Variants in NUMA1 observed in about 807,000 individuals in gnomAD.
NUMA1 encodes the protein nuclear mitotic apparatus protein 1, also known as SP-H antigen.
A neutral mutation model predicts 237.1 loss-of-function variants in NUMA1; 62 were observed. The ratio of observed to expected loss-of-function variants is 0.26; its 90% confidence interval spans 0.21 to 0.32. The LOEUF is 0.32. Among genes scored for constraint, NUMA1 ranks in the 10% least tolerant of loss-of-function variants. NUMA1 has a pLI of 1.00. For synonymous variants in NUMA1, 1,028 were observed against 1,066.1 expected, an observed-to-expected ratio of 0.96 and a Z score of 0.70; for missense variants, 2,533 against 2,666.5, an observed-to-expected ratio of 0.95 and a Z score of 1.10.
In NUMA1 at chr11:72,009,399, G is replaced by C; in HGVS notation, c.4720-12C>G. The C allele has an allele frequency of 6.3e-7, 1 of 1,594,136 alleles. No individual in the cohort carries two copies. ...TGAGCCTGGACAGCCTGAGAAGAAA[G>C]GCCACTCAGGAAAGCTGGTCTGGCC... On this transcript the variant is annotated splice_polypyrimidine_tract_variant and intron_variant, in intron 17 of 26. Transcript: ENST00000393695.
In NUMA1 at chr11:72,015,607, G is replaced by A. The variant is rs748073072; in HGVS notation, c.1896C>T (p.Asp632=). 16 of 1,613,664 alleles carry A rather than the reference G, an allele frequency of 9.9e-6. No homozygotes were observed. In the East Asian group the frequency reaches 3.6e-4, roughly 36 times the overall value. ...CCTGTGTCACTGAGGTCTGGGCACT[G>A]TCCCGGGCTTCATTAGCCACCTGAA... ...QQLQVANEAR[D]SAQTSVTQAQ... is the part of the protein sequence containing the mutation. The change falls in exon 15 of 27, where the codon GAC becomes GAT. Residue 632 remains aspartate (D), a synonymous_variant. Transcript: ENST00000393695. The surrounding 1 kb of genome is among the most constrained non-coding windows in gnomAD (Gnocchi z 4.0).
chr11:72,016,535 G>A lies in NUMA1; in HGVS notation c.1120-5C>T, dbSNP rs1565219060. ...GTTCTTCTCTTCAAGGCATTTCTGG[G>A]AGTAAATGAGACCCATGTGAACAGA... On this transcript the variant is annotated splice_region_variant and splice_polypyrimidine_tract_variant and intron_variant, in intron 13 of 26. Transcript: ENST00000393695. 2 of 1,613,484 alleles carry A rather than the reference G, an allele frequency of 1.2e-6. No individual in the cohort carries two copies. The highest frequency in any genetic ancestry group is 2.2e-5 in the East Asian group (1 of 44,878).
intron 20 of NUMA1, chr11:72,007,654 G>A: frequency 1.6e-6 from 1 of 607,886 alleles, no homozygotes; most frequent in African/African-American, 1.9e-5. Context: ...TAGTGGCAAT[G>A]CCCAGACCCA....
At chr11:72,064,496 T>C (rs1943113483) in intron 2 of NUMA1, among the ~76,000 whole-genome samples, 1 of 151,880 alleles carries the variant, frequency 6.6e-6, no homozygotes, top group African/African-American at 2.4e-5. Flanking sequence ...TTTTAAATAA[T>C]TTTAATGACA....
chr11:72,024,251 A>C, intron 5 of NUMA1, 23 bp downstream of exon 5: 1 of 1,610,100 alleles, frequency 6.2e-7, no homozygotes, highest in Non-Finnish European at 8.5e-7. Context: ...GCTTCTTCAT[A>C]GCTGGATAAG....
rs1271892904 is a variant in NUMA1, at chr11:72,008,756, G to A, written c.5148C>T (p.Pro1716=). The change falls in exon 20 of 27, where the codon CCC becomes CCT. Residue 1716 remains proline (P), a synonymous_variant. Coordinates refer to ENST00000393695, the MANE Select transcript of NUMA1 (RefSeq NM_006185.4). ...ALKSREPQAK[P]QLDLSIDSLD... ...GGCTGTCAATACTCAAGTCCAGCTG[G>A]GGCTTAGCCTGGGGCTCACGGCTCT... 1.2e-6 allele frequency: 2 copies of A among 1,613,992 alleles called. No homozygotes were observed. Among genetic ancestry groups the A allele is most frequent in the Admixed American group, 1.7e-5 (1 of 59,980 alleles).
chr11:72,013,579 T>C lies in NUMA1; in HGVS notation c.3924A>G (p.Ser1308=). The part of the protein sequence containing the change: ...REEAEKQRVA[S]ENLRQELTSQ... ...AGGTCAGCTCCTGCCGCAGGTTCTC[T>C]GAAGCCACCCGCTGTTTCTCAGCCT... Residue 1308 remains serine (S), a synonymous_variant, in exon 15 of 27, where the codon TCA becomes TCG. Transcript: ENST00000393695. This position sits in a 1 kb window ranked among gnomAD's most constrained non-coding sequence, Gnocchi z 6.8. 6.2e-7 allele frequency: 1 copy of C among 1,613,160 alleles called. No homozygotes were observed. The highest frequency in any genetic ancestry group is 8.5e-7 in the Non-Finnish European group (1 of 1,179,990).
intron 5 of NUMA1, among the ~76,000 whole-genome samples, chr11:72,023,597 TTATC>T (rs1357179099): frequency 6.6e-6 from 1 of 152,150 alleles, no homozygotes; most frequent in African/African-American, 2.4e-5. Flanking sequence ...ACACCTTACT[TTATC>T]TAAATAAAGC....
intron 8 of NUMA1, chr11:72,020,916 C>T (rs1938708267): frequency 3.4e-6 from 1 of 296,660 alleles, no homozygotes; most frequent in African/African-American, 2.2e-5. Flanking sequence ...TTCTCAGCTT[C>T]TAAGCCTAGA....
At position 72,015,621 on chromosome 11, in the gene NUMA1, T is replaced by C. The variant is rs571931228; in HGVS notation, c.1882A>G (p.Asn628Asp). ...GTCTGGGCACTGTCCCGGGCTTCAT[T>C]AGCCACCTGAAGTTGCTGCTGCAGA... is the stretch of plus-strand genomic sequence containing the variant. ...EILQQQLQVA[N>D]EARDSAQTSV... Residue 628 changes from asparagine (N) to aspartate (D), a missense_variant, in exon 15 of 27, where the codon AAT (asparagine) becomes GAT (aspartate). Physicochemically the swap from Asn to Asp is conservative, Grantham distance 23. Transcript: ENST00000393695. This position sits in a 1 kb window ranked among gnomAD's most constrained non-coding sequence, Gnocchi z 4.0. 6.2e-6 allele frequency: 10 copies of C among 1,613,754 alleles called. No homozygotes were observed. In the African/African-American group the frequency reaches 8.0e-5, roughly 13 times the overall value.
chr11:72,031,972 TAA>T (rs34502837), intron 3 of NUMA1, among the ~76,000 whole-genome samples: 3,249 of 67,738 alleles, frequency 0.048, 123 homozygotes, highest in African/African-American at 0.13. Flanking sequence ...CCCAAAAAAT[TAA>T]AAAAAAAAAA....
At chr11:72,010,363 T>C (rs1393804799) in intron 17 of NUMA1, among the ~76,000 whole-genome samples, 1 of 152,262 alleles carries the variant, frequency 6.6e-6, no homozygotes, top group Non-Finnish European at 1.5e-5. Context: ...GACACTCTCG[T>C]TCTTTCCCTG....
At chr11:72,054,912 G>T (rs893714166) in intron 2 of NUMA1, among the ~76,000 whole-genome samples, 1 of 152,112 alleles carries the variant, frequency 6.6e-6, no homozygotes, top group Non-Finnish European at 1.5e-5. Context: ...ACGCATTTGC[G>T]ATTGAAGTTT....
intron 2 of NUMA1, among the ~76,000 whole-genome samples, chr11:72,058,873 T>G (rs1591061139): frequency 6.6e-6 from 1 of 152,202 alleles, no homozygotes; most frequent in Non-Finnish European, 1.5e-5. Flanking sequence ...TCAACTGATG[T>G]GAGCACAGCT....
intron 9 of NUMA1, 95 bp downstream of exon 9, chr11:72,019,399 C>CTA: frequency 4.0e-6 from 6 of 1,511,848 alleles, no homozygotes; most frequent in Non-Finnish European, 4.5e-6. Flanking sequence ...TAAGCACTCC[C>CTA]AGAGGCTGGT....
intron 2 of NUMA1, among the ~76,000 whole-genome samples, chr11:72,047,430 G>C (rs1392586507): frequency 6.6e-6 from 1 of 152,068 alleles, no homozygotes; most frequent in Non-Finnish European, 1.5e-5. Context: ...TGAGGTTATA[G>C]TGAGCTATGA....
chr11:72,013,072 G>C lies in NUMA1; in HGVS notation c.4431C>G (p.Val1477=), dbSNP rs377634573. The C allele has an allele frequency of 6.2e-7, 1 of 1,614,166 alleles. No homozygotes were observed. Among genetic ancestry groups the C allele is most frequent in the Admixed American group, 1.7e-5 (1 of 60,022 alleles). ...VELDQAREKY[V]QELAAVRADA... is the part of the protein sequence containing the mutation. The stretch of plus-strand genomic sequence containing the variant: ...CAGCACGTACGGCTGCCAACTCTTG[G>C]ACATACTTCTCCCGGGCCTGGTCCA... Residue 1477 remains valine (V), a synonymous_variant, in exon 15 of 27, where the codon GTC becomes GTG. Coordinates refer to ENST00000393695, the MANE Select transcript of NUMA1 (RefSeq NM_006185.4). The surrounding 1 kb of genome is among the most constrained non-coding windows in gnomAD (Gnocchi z 6.8).
chr11:72,029,763 G>C (rs1359329688), intron 3 of NUMA1, among the ~76,000 whole-genome samples: 1 of 151,934 alleles, frequency 6.6e-6, no homozygotes, highest in Non-Finnish European at 1.5e-5. Context: ...GTCCTTTGTG[G>C]CTCTTGAGTT....
chr11:72,037,323 G>T (rs1184326181), intron 2 of NUMA1, among the ~76,000 whole-genome samples: 1 of 152,158 alleles, frequency 6.6e-6, no homozygotes, highest in Non-Finnish European at 1.5e-5. Context: ...GGCTAACATG[G>T]TGAAACCCCG....
Sources: allele counts gnomAD v4.1 joint callset (sites outside exome capture counted in the v4.1 genomes callset), GRCh38; gene constraint gnomAD v4.1.1; non-coding constraint Gnocchi (gnomAD v3.1); transcripts MANE v1.5; gene names NCBI Gene and HGNC (gene_info 2026-07-23, HGNC 2026-07-21).